Variants in MRPL24 observed in about 807,000 individuals in gnomAD.
MRPL24 encodes the protein mitochondrial ribosomal protein L24, also known as large ribosomal subunit protein uL24m.
A neutral mutation model predicts 26.9 loss-of-function variants in MRPL24; 15 were observed. The ratio of observed to expected loss-of-function variants is 0.56; its 90% CI spans 0.37 to 0.86. The LOEUF (loss-of-function observed/expected upper bound fraction) is 0.86, where lower values mean the gene tolerates loss of function less well. Ranked by LOEUF, MRPL24 falls within the 40% of genes least tolerant of loss-of-function variation. The probability of loss-of-function intolerance (pLI) is 0.00; values close to 1 mark genes in which losing one functional copy is unlikely to be tolerated. For missense variants in MRPL24, 241 were observed against 281.4 expected, an observed-to-expected ratio of 0.86 and a Z score of 1.03; for synonymous variants, 92 against 102.4, an observed-to-expected ratio of 0.90 and a Z score of 0.62.
chr1:156,737,322 A>G lies in MRPL24; in HGVS notation c.*76T>C. 2 of 1,488,500 alleles carry G rather than the reference A, an allele frequency of 1.3e-6. No homozygotes were observed. The highest frequency in any genetic ancestry group is 2.4e-4 in the Middle Eastern group (1 of 4,138). The allele number at this position is 1,488,500 out of a possible 1,614,324, so 92.2% of individuals were successfully genotyped here. On this transcript the variant is annotated 3_prime_UTR_variant, in exon 6 of 6. Transcript: ENST00000361531. ...CAGGAGGACTCATAAAGTGCTCTTT[A>G]TTGGCATCTGAAAAAGAAGTGCCTC...
chr1:156,741,247 G>GA (rs1264163021), upstream of MRPL24: 3 of 152,250 alleles, frequency 2.0e-5, no homozygotes, highest in East Asian at 3.8e-4. Flanking sequence ...GCGGGGGTAG[G>GA]AAATCAAGGA....
In MRPL24 at chr1:156,738,746, G is replaced by GAA. The variant is rs1558026935; in HGVS notation, c.-44_-43dup. The GAA allele has an allele frequency of 6.5e-7, 1 of 1,537,706 alleles. No individual in the cohort carries two copies. The highest frequency in any genetic ancestry group is 2.2e-5 in the Admixed American group (1 of 44,880). On this transcript the variant is annotated 5_prime_UTR_variant, in exon 2 of 6. Transcript: ENST00000361531. ...AAATCCCTTTGCCAGCAAAACGCTCGAAACCTTCCTTGTCAGCTCTGGGCA... is the reference window on the plus strand; with the variant it reads ...AAATCCCTTTGCCAGCAAAACGCTCGAAAAACCTTCCTTGTCAGCTCTGGGCA...
chr1:156,740,534 T>C (rs1343636657), intron 1 of MRPL24: 2 of 152,164 alleles, frequency 1.3e-5, no homozygotes, highest in African/African-American at 4.8e-5. Flanking sequence ...GGTTGCCAGA[T>C]GCATCGTAAA....
At chr1:156,740,774 G>A (rs1306067551) in intron 1 of MRPL24, among the ~76,000 whole-genome samples, 1 of 152,088 alleles carries the variant, frequency 6.6e-6, no homozygotes, top group Non-Finnish European at 1.5e-5. Context: ...AGATGCTGCT[G>A]GTGAGCGTCC....
Position 156,738,697 on chromosome 1 carries a change from AG to A in MRPL24, c.7del (p.Leu3PhefsTer21). ...GGATGCCAAGGCCAGCAGGGCAGAA[AG>A]ACGCATGCCTGGAGGTTGTAAGAAA... Reference protein sequence around the residue: MRLSALLALASKV... With the variant: MRXSALLALASKV... On this transcript the variant is annotated frameshift_variant, in exon 2 of 6. Coordinates refer to ENST00000361531, the MANE Select transcript of MRPL24 (RefSeq NM_145729.3). LOFTEE classifies it high-confidence loss of function. 6.3e-7 allele frequency: 1 copy of A among 1,585,992 alleles called. No homozygotes were observed. The highest frequency in any genetic ancestry group is 8.5e-7 in the Non-Finnish European group (1 of 1,171,848).
In MRPL24 at chr1:156,741,036, G is replaced by C. The variant is rs918442234; in HGVS notation, c.-85C>G. 1 of 152,274 alleles carries C rather than the reference G, an allele frequency of 6.6e-6. No homozygotes were observed. 9.4% of individuals were successfully genotyped at this position (152,274 alleles called of 1,614,324 possible). A position where few individuals can be genotyped will look rare whatever the true frequency, so the allele number is the denominator to read the frequency against. On this transcript the variant is annotated 5_prime_UTR_variant, in exon 1 of 6. Transcript: ENST00000361531. The stretch of plus-strand genomic sequence containing the variant: ...CCTGCCTCTCGGACGGGCACCTCTA[G>C]GGCGGGCGGCCCTCACCTCCACTTT...
upstream of MRPL24, chr1:156,741,541 G>A (rs1258647248): frequency 1.3e-5 from 2 of 152,190 alleles, no homozygotes; most frequent in East Asian, 3.8e-4. Flanking sequence ...GGGATGAAAC[G>A]TGGGCCCTTC....
chr1:156,741,489 G>T (rs1230140503), upstream of MRPL24: 1 of 152,222 alleles, frequency 6.6e-6, no homozygotes, highest in East Asian at 1.9e-4. Context: ...TGGAGTGGGG[G>T]CAGGGCAGAT....
In MRPL24 at chr1:156,737,412, CCTT is replaced by C. The variant is rs754287510; in HGVS notation, c.634_636del (p.Lys212del). The stretch of plus-strand genomic sequence containing the variant: ...CTGCCCCAGGCTCAATACCAATAGA[CCTT>C]CTTGTATTTCCGGGTCTCCTTGATC... On this transcript the variant is annotated inframe_deletion, in exon 6 of 6. Coordinates refer to ENST00000361531, the MANE Select transcript of MRPL24 (RefSeq NM_145729.3). 38 of 1,594,988 alleles carry C rather than the reference CCTT, an allele frequency of 2.4e-5. No homozygotes were observed. The highest frequency in any genetic ancestry group is 4.5e-5 in the East Asian group (2 of 44,858).
Position 156,737,733 on chromosome 1 carries a change from G to A in MRPL24, c.427C>T (p.Arg143Trp), listed in dbSNP as rs766410907. The A allele has an allele frequency of 1.5e-5, 25 of 1,613,964 alleles. No homozygotes were observed. Among genetic ancestry groups the A allele is most frequent in the Middle Eastern group, 1.6e-4 (1 of 6,082 alleles). The part of the protein sequence containing the change: ...IEWRFTEAGE[R>W]VRVSTRSGRI... ...CCTGATCGTGTGGAGACTCGTACCC[G>A]CTCTCCTGCTTCAGTAAATCTCCAC... The change falls in exon 5 of 6, where the codon CGG (arginine) becomes TGG (tryptophan). Residue 143 changes from arginine to tryptophan, a missense_variant. Transcript: ENST00000361531.
At chr1:156,737,853 C>A in intron 4 of MRPL24, 77 bp from the exon 5 acceptor site, 1 of 1,584,238 alleles carries the variant, frequency 6.3e-7, no homozygotes, top group South Asian at 1.1e-5. Context: ...GTCAGTGGTT[C>A]AAAACACAAG....
intron 1 of MRPL24, 42 bp from the exon 2 acceptor site, chr1:156,738,806 G>T: frequency 8.7e-7 from 1 of 1,153,124 alleles, no homozygotes; most frequent in Non-Finnish European, 1.2e-6. Context: ...GGCAAGGGAA[G>T]GAACATTTTT....
rs752386918 is a variant in MRPL24, at chr1:156,737,689, G to A, written c.471C>T (p.Pro157=). ...CGATGCCATCAGCTCTGGGAAATTCGGGTTTAGGGATAATTCTCCCTGATC... is the reference window on the plus strand; with the variant it reads ...CGATGCCATCAGCTCTGGGAAATTCAGGTTTAGGGATAATTCTCCCTGATC... ...STRSGRIIPK[P]EFPRADGIVP... is the part of the protein sequence containing the mutation. Residue 157 remains proline (P), a synonymous_variant, in exon 5 of 6, where the codon CCC becomes CCT. Coordinates refer to ENST00000361531, the MANE Select transcript of MRPL24 (RefSeq NM_145729.3). 15 of 1,613,958 alleles carry A rather than the reference G, an allele frequency of 9.3e-6. No homozygotes were observed. Among genetic ancestry groups the A allele is most frequent in the African/African-American group, 8.0e-5 (6 of 74,868 alleles).
Position 156,741,057 on chromosome 1 carries a change from A to T in MRPL24, c.-106T>A, listed in dbSNP as rs1241683714. On this transcript the variant is annotated 5_prime_UTR_variant, in exon 1 of 6. Transcript: ENST00000361531. ...TCTAGGGCGGGCGGCCCTCACCTCC[A>T]CTTTCCGCGGCACTTCGGATTTTCA... 1 of 151,894 alleles carries T rather than the reference A, an allele frequency of 6.6e-6. No individual in the cohort carries two copies. Among genetic ancestry groups the T allele is most frequent in the Non-Finnish European group, 1.5e-5 (1 of 68,004 alleles). 9.4% of individuals were successfully genotyped at this position (151,894 alleles called of 1,614,324 possible).
intron 2 of MRPL24, 25 bp downstream of exon 2, chr1:156,738,495 ACT>A: frequency 6.2e-7 from 1 of 1,613,864 alleles, no homozygotes; most frequent in Admixed American, 1.7e-5. Context: ...GTTCCCCATC[ACT>A]CTACCCCCTG....
In MRPL24 at chr1:156,738,648, G is replaced by T; in HGVS notation, c.57C>A (p.Tyr19Ter). 3.1e-6 allele frequency: 5 copies of T among 1,604,690 alleles called. No homozygotes were observed. The highest frequency in any genetic ancestry group is 3.4e-6 in the Non-Finnish European group (4 of 1,177,374). The change falls in exon 2 of 6, where the codon TAC (tyrosine) becomes TAA (stop). Residue 19 changes from tyrosine to a stop codon, truncating the protein, a stop_gained. Transcript: ENST00000361531. LOFTEE classifies it high-confidence loss of function. ...AGCCTGGGGGGCTCATCCCATAGCG[G>T]TAATGGGGGGGCAGAGTGACCTTGG... ...LASKVTLPPH[Y>*]RYGMSPPGSV...
rs766076158 is a variant in MRPL24 at position 156,737,509 on chromosome 1, T to C, written c.540A>G (p.Glu180=). ...GCACATAGGTTCTTTCTAAAGCATC[T>C]TCCACTGATGTGTCTTTGGGGCCAT... The part of the protein sequence containing the change: ...WIDGPKDTSV[E]DALERTYVPC... Residue 180 remains glutamate (E), a synonymous_variant, in exon 6 of 6, where the codon GAA becomes GAG. Transcript: ENST00000361531. 7.5e-6 allele frequency: 12 copies of C among 1,609,668 alleles called. No homozygotes were observed. The Admixed American group carries it at 2.0e-4, about 27-fold the overall frequency.
At position 156,738,410 on chromosome 1, in the gene MRPL24, C is replaced by T; in HGVS notation, c.212G>A (p.Gly71Glu). The change falls in exon 3 of 6, where the codon GGG (glycine) becomes GAG (glutamate). Residue 71 changes from glycine (G) to glutamate (E), a missense_variant. By Grantham distance (98) the Gly-to-Glu change is moderately conservative. Coordinates refer to ENST00000361531, the MANE Select transcript of MRPL24 (RefSeq NM_145729.3). ...TVEILEGKDAGKQGKVVQVIR... is the reference protein window; with the variant it reads ...TVEILEGKDAEKQGKVVQVIR... ...AACTTGAACCACTTTGCCCTGCTTC[C>T]CGGCATCCTTGCCTTCTAGGATCTC... 2 of 1,614,172 alleles carry T rather than the reference C, an allele frequency of 1.2e-6. No individual in the cohort carries two copies. The highest frequency in any genetic ancestry group is 1.1e-5 in the South Asian group (1 of 91,080).
At chr1:156,739,357 G>A (rs142680237) in intron 1 of MRPL24, among the ~76,000 whole-genome samples, 2 of 152,230 alleles carry the variant, frequency 1.3e-5, no homozygotes, top group African/African-American at 4.8e-5. Context: ...TAAACCACTC[G>A]ATTCTCAATT....
Sources: gnomAD v4.1 joint callset for allele counts (sites outside exome capture counted in the v4.1 genomes callset) on GRCh38, gnomAD v4.1.1 for gene constraint, MANE v1.5 for transcripts, NCBI Gene and HGNC (gene_info 2026-07-23, HGNC 2026-07-21) for gene names.